Variants in LINGO2 observed in about 807,000 individuals in gnomAD.
LINGO2 encodes leucine-rich repeat and immunoglobulin-like domain-containing nogo receptor-interacting protein 2.
Under a neutral mutation model 30.6 loss-of-function variants are expected in LINGO2, and 14 were observed. The ratio of observed to expected loss-of-function variants is 0.46; its 90% CI spans 0.30 to 0.72. The LOEUF is 0.72. Ranked by LOEUF, LINGO2 falls within the 30% of genes least tolerant of loss-of-function variation. LINGO2 has a pLI of 0.07. For synonymous variants in LINGO2, 317 were observed against 288.5 expected (o/e 1.10, Z -1.00); for missense variants, 729 against 751.7 (o/e 0.97, Z 0.35).
At chr9:28,342,545 G>T (rs1245734293) in intron 3 of LINGO2, among the ~76,000 whole-genome samples, 1 of 151,944 alleles carries the variant, frequency 6.6e-6, no homozygotes, top group Non-Finnish European at 1.5e-5. Context: ...AAGGCCTTTG[G>T]TGAGATCTGG....
intron 1 of LINGO2, among the ~76,000 whole-genome samples, chr9:28,666,537 T>C (rs936210835): frequency 1.3e-5 from 2 of 152,182 alleles, no homozygotes; most frequent in Non-Finnish European, 2.9e-5. Flanking sequence ...ACTAAATAAT[T>C]GTTAGGCTCT....
the LINGO2 span, among the ~76,000 whole-genome samples, chr9:28,893,748 AT>A: frequency 3.3e-5 from 5 of 150,608 alleles, no homozygotes; most frequent in African/African-American, 7.3e-5. Context: ...TAATGGTTTG[AT>A]TTTTTTTAAT....
chr9:28,994,934 A>G, the LINGO2 span, among the ~76,000 whole-genome samples: 555 of 152,324 alleles, frequency 3.6e-3, 2 homozygotes, highest in African/African-American at 0.013. Flanking sequence ...AAACCTAGAC[A>G]GTACCATTCA....
the LINGO2 span, among the ~76,000 whole-genome samples, chr9:28,752,017 T>C: frequency 3.9e-5 from 6 of 152,056 alleles, no homozygotes; most frequent in African/African-American, 1.5e-4. Flanking sequence ...ATATTATAAT[T>C]TATATTCAAG....
chr9:28,107,576 C>A (rs1269599787), intron 4 of LINGO2, among the ~76,000 whole-genome samples: 4 of 152,122 alleles, frequency 2.6e-5, no homozygotes, highest in African/African-American at 9.7e-5. Context: ...GTAATTACTG[C>A]TGCTTTAGTT....
chr9:28,648,603 AATTTTCAT>A (rs1827946969), intron 1 of LINGO2, among the ~76,000 whole-genome samples: 1 of 152,144 alleles, frequency 6.6e-6, no homozygotes, highest in African/African-American at 2.4e-5. Context: ...TATGCTGTTT[AATTTTCAT>A]ATCCAATCAT....
At chr9:28,396,703 CAAA>C (rs60660309) in intron 2 of LINGO2, among the ~76,000 whole-genome samples, 3 of 53,138 alleles carry the variant, frequency 5.6e-5, no homozygotes, top group African/African-American at 2.2e-4. Context: ...GACTCCATCT[CAAA>C]AAAAAAAAAA....
At chr9:28,225,933 A>G (rs959369963) in intron 4 of LINGO2, among the ~76,000 whole-genome samples, 1 of 152,152 alleles carries the variant, frequency 6.6e-6, no homozygotes, top group Non-Finnish European at 1.5e-5. Context: ...AATCACCAAA[A>G]TCAGTCATCT....
At chr9:28,642,129 C>T (rs1440058709) in intron 1 of LINGO2, among the ~76,000 whole-genome samples, 1 of 151,066 alleles carries the variant, frequency 6.6e-6, no homozygotes, top group Non-Finnish European at 1.5e-5. Flanking sequence ...TTAACATACA[C>T]TTTTACTCAG....
intron 1 of LINGO2, among the ~76,000 whole-genome samples, chr9:28,482,475 G>A (rs1326585828): frequency 1.3e-5 from 2 of 151,832 alleles, no homozygotes; most frequent in Non-Finnish European, 2.9e-5. Context: ...GGGGTTGTTT[G>A]TTTTTTTCTT....
At chr9:29,107,876 AT>A in the LINGO2 span, among the ~76,000 whole-genome samples, 24,093 of 151,086 alleles carry the variant, frequency 0.16, 2,031 homozygotes, top group East Asian at 0.33. Context: ...CCCTCCCCTT[AT>A]GCCCTGCTCT....
the LINGO2 span, among the ~76,000 whole-genome samples, chr9:29,113,064 G>A: frequency 2.0e-5 from 3 of 152,142 alleles, no homozygotes; most frequent in Admixed American, 1.3e-4. Flanking sequence ...AATTGTCAAA[G>A]GAGAAAGTAT....
intron 4 of LINGO2, among the ~76,000 whole-genome samples, chr9:28,242,019 A>T (rs1030631441): frequency 6.6e-6 from 1 of 152,122 alleles, no homozygotes; most frequent in Non-Finnish European, 1.5e-5. Flanking sequence ...GAGAAAAAAA[A>T]ATCAATGAAA....
At chr9:28,770,650 A>G in the LINGO2 span, among the ~76,000 whole-genome samples, 6 of 152,210 alleles carry the variant, frequency 3.9e-5, no homozygotes, top group Non-Finnish European at 7.3e-5. Context: ...GAATGATCAA[A>G]TAAGAAAATT....
chr9:28,344,539 T>C (rs536019290), intron 3 of LINGO2, among the ~76,000 whole-genome samples: 24 of 152,254 alleles, frequency 1.6e-4, no homozygotes, highest in African/African-American at 5.3e-4. Context: ...TATATATACA[T>C]AGAAATATGG....
chr9:28,439,765 G>T (rs1824114944), intron 2 of LINGO2, among the ~76,000 whole-genome samples: 2 of 152,060 alleles, frequency 1.3e-5, no homozygotes, highest in Non-Finnish European at 1.5e-5. Context: ...TCATAAATTA[G>T]CCAGTCTCAG....
chr9:29,146,275 G>C, the LINGO2 span, among the ~76,000 whole-genome samples: 2 of 151,974 alleles, frequency 1.3e-5, no homozygotes, highest in Non-Finnish European at 2.9e-5. Flanking sequence ...AGAATCGGTT[G>C]AACCAGGAGG....
At chr9:28,610,300 T>C (rs1031311966) in intron 1 of LINGO2, among the ~76,000 whole-genome samples, 4 of 151,678 alleles carry the variant, frequency 2.6e-5, no homozygotes, top group Non-Finnish European at 5.9e-5. Context: ...ATTAGTAATA[T>C]CAATGCAAGA....
chr9:29,019,917 G>A, the LINGO2 span, among the ~76,000 whole-genome samples: 1 of 152,108 alleles, frequency 6.6e-6, no homozygotes, highest in Non-Finnish European at 1.5e-5. Context: ...ATGCTCAGTG[G>A]GGAGATTTTC....
Sources: gnomAD v4.1 joint callset for allele counts (sites outside exome capture counted in the v4.1 genomes callset) on GRCh38, gnomAD v4.1.1 for gene constraint, MANE v1.5 for transcripts, NCBI Gene and HGNC (gene_info 2026-07-23, HGNC 2026-07-21) for gene names.